Variants in DOCK3 observed in about 807,000 individuals in gnomAD.
DOCK3 encodes dedicator of cytokinesis protein 3.
A neutral mutation model predicts 265.6 loss-of-function variants in DOCK3; 60 were observed. The ratio of observed to expected loss-of-function variants is 0.23; its 90% CI spans 0.18 to 0.28. DOCK3 has a LOEUF of 0.28. DOCK3 is among the 10% of genes least tolerant of loss of function. DOCK3 has a pLI of 1.00. For missense variants in DOCK3, 1,981 were observed against 2,594.3 expected (o/e 0.76, Z 5.14); for synonymous variants, 881 against 938.0 (o/e 0.94, Z 1.11).
At chr3:51,192,764 G>A (rs1401053720) in intron 12 of DOCK3, among the ~76,000 whole-genome samples, 1 of 151,978 alleles carries the variant, frequency 6.6e-6, no homozygotes, top group Non-Finnish European at 1.5e-5. Context: ...TACAAGTGCA[G>A]GAGTCAGGTG....
intron 23 of DOCK3, among the ~76,000 whole-genome samples, chr3:51,261,724 A>G (rs2079857796): frequency 6.6e-6 from 1 of 152,176 alleles, no homozygotes; most frequent in Non-Finnish European, 1.5e-5. Context: ...AAGCTTGGTC[A>G]GGGGAGGAGC....
chr3:50,936,158 T>C (rs908641272), intron 5 of DOCK3, among the ~76,000 whole-genome samples: 1 of 151,706 alleles, frequency 6.6e-6, no homozygotes, highest in Non-Finnish European at 1.5e-5. Context: ...ATAACCAAAA[T>C]TAAAAAAATA....
Position 51,357,073 on chromosome 3 carries a change from C to G in DOCK3, c.4615C>G (p.Leu1539Val), listed in dbSNP as rs770807514. ...CAAGCAGGTGCATGGCAACATTAAC[C>G]TGCTAAGCATGTGCCTGAATGGTGT... Reference protein sequence around the residue: ...QHKQVHGNINLLSMCLNGVID... With the variant: ...QHKQVHGNINVLSMCLNGVID... The change falls in exon 44 of 53, where the codon CTG becomes GTG. Residue 1539 changes from leucine (L) to valine (V), a missense_variant. Leu to Val is a conservative substitution (Grantham distance 32). Around this residue, in one of 4 missense-constraint regions of DOCK3, gnomAD observed 1,357 missense variants for 1,866.8 expected, o/e 0.73. Transcript: ENST00000266037. 9.3e-6 allele frequency: 15 copies of G among 1,613,044 alleles called. No homozygotes were observed. Among genetic ancestry groups the G allele is most frequent in the Non-Finnish European group, 1.2e-5 (14 of 1,179,912 alleles).
intron 5 of DOCK3, among the ~76,000 whole-genome samples, chr3:50,974,115 T>C (rs1361091085): frequency 1.3e-5 from 2 of 150,894 alleles, no homozygotes; most frequent in East Asian, 3.9e-4. Flanking sequence ...TGGTAGTTTC[T>C]TTTGCTGTAC....
intron 2 of DOCK3, among the ~76,000 whole-genome samples, chr3:50,799,253 T>C (rs775459236): frequency 9.9e-5 from 15 of 152,180 alleles, no homozygotes; most frequent in Non-Finnish European, 2.2e-4. Flanking sequence ...CTGTTAAGAA[T>C]GTCATTGGTA....
At chr3:51,269,601 G>C (rs1413800836) in intron 23 of DOCK3, among the ~76,000 whole-genome samples, 1 of 152,154 alleles carries the variant, frequency 6.6e-6, no homozygotes, top group East Asian at 1.9e-4. Flanking sequence ...TTGCCTGATG[G>C]AGCAGTCAAG....
At chr3:51,262,927 A>T (rs915241230) in intron 23 of DOCK3, among the ~76,000 whole-genome samples, 6 of 152,224 alleles carry the variant, frequency 3.9e-5, no homozygotes, top group East Asian at 1.9e-4. Context: ...ATGTGAAAAG[A>T]CCAAACCTAT....
rs1165449598 is a variant in DOCK3 at position 51,228,568 on chromosome 3, A to G, written c.1648-93A>G. 6 of 1,400,108 alleles carry G rather than the reference A, an allele frequency of 4.3e-6. No homozygotes were observed. The East Asian group carries it at 1.4e-4, about 33-fold the overall frequency. 86.7% of individuals were successfully genotyped at this position (1,400,108 alleles called of 1,614,324 possible). ...AGGCCCAACGTTCAGCCTTAGGAAG[A>G]TGAGAGCAAGTATCAGCCCAGAAAT... On this transcript the variant is annotated intron_variant, in intron 17 of 52. Coordinates refer to ENST00000266037, the MANE Select transcript of DOCK3 (RefSeq NM_004947.5).
chr3:51,190,660 G>C (rs774425169), intron 12 of DOCK3, among the ~76,000 whole-genome samples: 1 of 152,218 alleles, frequency 6.6e-6, no homozygotes, highest in African/African-American at 2.4e-5. Context: ...ACCACCTGCT[G>C]TAGTAGCAGT....
chr3:50,735,927 T>A (rs1402135172), intron 1 of DOCK3, among the ~76,000 whole-genome samples: 1 of 152,120 alleles, frequency 6.6e-6, no homozygotes, highest in South Asian at 2.1e-4. Context: ...ATACTTTAAG[T>A]TCTAGGGTAC....
chr3:50,708,090 T>C (rs2036527918), intron 1 of DOCK3, among the ~76,000 whole-genome samples: 1 of 152,034 alleles, frequency 6.6e-6, no homozygotes. Flanking sequence ...CTGACAGTGA[T>C]GGTGGTGGGT....
intron 3 of DOCK3, among the ~76,000 whole-genome samples, chr3:50,879,808 A>C (rs13071237): frequency 0.099 from 15,079 of 152,226 alleles, 920 homozygotes; most frequent in Non-Finnish European, 0.13. Context: ...AACTCTCCAC[A>C]CCAAATCAAC....
chr3:51,220,992 G>A (rs1051667778), intron 14 of DOCK3, among the ~76,000 whole-genome samples: 5 of 151,886 alleles, frequency 3.3e-5, no homozygotes, highest in African/African-American at 1.2e-4. Context: ...GACTTCAGAG[G>A]TTGGGAGACC....
chr3:50,818,266 G>T (rs865949627), intron 2 of DOCK3, among the ~76,000 whole-genome samples: 1 of 152,162 alleles, frequency 6.6e-6, no homozygotes, highest in South Asian at 2.1e-4. Context: ...GCCCCATACC[G>T]TACTCAGGCC....
At chr3:50,710,219 GT>G (rs1351781341) in intron 1 of DOCK3, among the ~76,000 whole-genome samples, 1 of 152,146 alleles carries the variant, frequency 6.6e-6, no homozygotes, top group Non-Finnish European at 1.5e-5. Context: ...AATCAGCAGA[GT>G]AAACAGACAA....
chr3:50,919,673 C>G (rs985442739), intron 4 of DOCK3, among the ~76,000 whole-genome samples: 1 of 152,050 alleles, frequency 6.6e-6, no homozygotes, highest in Admixed American at 6.6e-5. Context: ...GGTTTTCTAA[C>G]TATACAATCA....
At chr3:51,164,275 T>C (rs2086272543) in intron 12 of DOCK3, among the ~76,000 whole-genome samples, 1 of 152,186 alleles carries the variant, frequency 6.6e-6, no homozygotes, top group African/African-American at 2.4e-5. Flanking sequence ...TCCCATTGAT[T>C]GAGGTAATTT....
At chr3:50,678,325 A>G (rs1339588187) in intron 1 of DOCK3, among the ~76,000 whole-genome samples, 3 of 152,120 alleles carry the variant, frequency 2.0e-5, no homozygotes, top group Non-Finnish European at 4.4e-5. Flanking sequence ...CTACCTTTCC[A>G]AGAAGCTTCC....
At chr3:51,345,041 C>T (rs145288663) in intron 38 of DOCK3, among the ~76,000 whole-genome samples, 1 of 152,340 alleles carries the variant, frequency 6.6e-6, no homozygotes, top group African/African-American at 2.4e-5. Context: ...GCCACACATA[C>T]AGCCATTGTC....
Sources: gnomAD v4.1 joint callset for allele counts (sites outside exome capture counted in the v4.1 genomes callset) on GRCh38, gnomAD v4.1.1 for gene constraint, gnomAD v4.1.1 regional missense constraint, MANE v1.5 for transcripts, NCBI Gene and HGNC (gene_info 2026-07-23, HGNC 2026-07-21) for gene names.